The following MBOAT2 variants were observed in gnomAD, a reference collection of about 807,000 sequenced individuals.
The protein encoded by MBOAT2 is membrane bound glycerophospholipid O-acyltransferase 2.
A neutral mutation model predicts 63.4 loss-of-function variants in MBOAT2; 28 were observed. That is an observed-to-expected ratio of 0.44 (90% CI 0.33 to 0.61). The LOEUF (loss-of-function observed/expected upper bound fraction) is 0.61, where lower values mean the gene tolerates loss of function less well. Among genes scored for constraint, MBOAT2 ranks in the 20% least tolerant of loss-of-function variants. MBOAT2 has a pLI of 0.03. For synonymous variants in MBOAT2, 211 were observed against 215.6 expected, an observed-to-expected ratio of 0.98 and a Z score of 0.19; for missense variants, 470 against 605.8, an observed-to-expected ratio of 0.78 and a Z score of 2.35.
intron 11 of MBOAT2, 193 bp from the exon 12 acceptor site, chr2:8,860,957 T>G (rs185583299): frequency 2.5e-5 from 10 of 399,058 alleles, no homozygotes; most frequent in African/African-American, 1.9e-4. Flanking sequence ...GTACACACTG[T>G]GTATAAAAGA....
chr2:8,930,761 G>A (rs1482510381), intron 3 of MBOAT2, among the ~76,000 whole-genome samples: 2 of 151,906 alleles, frequency 1.3e-5, no homozygotes, highest in Admixed American at 1.3e-4. Flanking sequence ...GATACCTAAT[G>A]CTAAATGACG....
intron 3 of MBOAT2, among the ~76,000 whole-genome samples, chr2:8,914,152 C>T (rs1665981139): frequency 1.3e-5 from 2 of 152,098 alleles, no homozygotes; most frequent in South Asian, 4.1e-4. Context: ...ATACAATGGA[C>T]TCTGGGGACT....
chr2:8,887,345 C>T (rs1358233032), intron 5 of MBOAT2, among the ~76,000 whole-genome samples: 1 of 152,152 alleles, frequency 6.6e-6, no homozygotes, highest in East Asian at 1.9e-4. Context: ...TCCTCTCTCT[C>T]TCTCTGCACT....
Position 8,862,376 on chromosome 2 carries a change from A to C in MBOAT2, c.1185+214T>G. On this transcript the variant is annotated intron_variant, in intron 11 of 12. Transcript: ENST00000305997. The surrounding 1 kb of genome is among the most constrained non-coding windows in gnomAD (Gnocchi z 4.3). ...TGCCTCCTACCTGCCGGGCACATAG[A>C]AACGTGTTTTCTCCTCACAGGAACT... The C allele has an allele frequency of 6.9e-7, 1 of 1,440,670 alleles. No homozygotes were observed. The allele number at this position is 1,440,670 out of a possible 1,614,324, so 89.2% of individuals were successfully genotyped here. A position where few individuals can be genotyped will look rare whatever the true frequency, so the allele number is the denominator to read the frequency against.
At chr2:8,866,725 T>C (rs1052028725) in intron 9 of MBOAT2, among the ~76,000 whole-genome samples, 6 of 152,246 alleles carry the variant, frequency 3.9e-5, no homozygotes, top group Non-Finnish European at 4.4e-5. Context: ...GGCCAAAGCC[T>C]CTTTTAATCT....
intron 1 of MBOAT2, among the ~76,000 whole-genome samples, chr2:8,982,123 T>C (rs1267352185): frequency 1.3e-5 from 2 of 152,134 alleles, no homozygotes; most frequent in South Asian, 4.1e-4. Context: ...AGATAACCCA[T>C]GGCAGGGTCT....
chr2:8,949,087 T>C (rs142149753), intron 2 of MBOAT2, among the ~76,000 whole-genome samples: 96 of 152,300 alleles, frequency 6.3e-4, no homozygotes, highest in African/African-American at 2.3e-3. Flanking sequence ...CTCTGATTAG[T>C]AATGTGCAGT....
intron 1 of MBOAT2, among the ~76,000 whole-genome samples, chr2:8,976,132 A>C (rs1670800702): frequency 6.6e-6 from 1 of 152,138 alleles, no homozygotes; most frequent in Non-Finnish European, 1.5e-5. Context: ...TGATTAACTC[A>C]CAAATCCCTA....
chr2:8,973,156 T>A (rs1558671388), intron 1 of MBOAT2, among the ~76,000 whole-genome samples: 1 of 152,128 alleles, frequency 6.6e-6, no homozygotes, highest in Non-Finnish European at 1.5e-5. Flanking sequence ...TAAGAAAATG[T>A]GGCACATATA....
intron 1 of MBOAT2, among the ~76,000 whole-genome samples, chr2:8,989,802 C>A (rs747132594): frequency 1.3e-5 from 2 of 152,172 alleles, no homozygotes. Context: ...AGGGAACAAG[C>A]GCTGCACCAG....
chr2:8,971,268 C>T (rs886945024), intron 1 of MBOAT2, among the ~76,000 whole-genome samples: 4 of 152,212 alleles, frequency 2.6e-5, no homozygotes. Context: ...ACAAAAACCA[C>T]ATGATTATCT....
chr2:8,912,411 GAAAGA>G lies in MBOAT2; in HGVS notation c.300-3700_300-3696del, dbSNP rs1573032376. ...AGAAAGAAAGAAAGAAAGAAAGAAA[GAAAGA>G]CAGGCCGGCCGGCCTTGAAAACCCT... On this transcript the variant is annotated intron_variant, in intron 3 of 12. Coordinates refer to ENST00000305997, the MANE Select transcript of MBOAT2 (RefSeq NM_138799.4). Among the ~76,000 whole-genome samples the G allele has an allele frequency of 6.6e-3, 955 of 144,796 alleles. 20 individuals are homozygous for G. The highest frequency in any genetic ancestry group is 0.011 in the Middle Eastern group (3 of 276). 95.0% of individuals were successfully genotyped at this position (144,796 alleles called of 152,430 possible).
At chr2:8,960,135 G>GTTC (rs1007759068) in intron 1 of MBOAT2, among the ~76,000 whole-genome samples, 21 of 152,124 alleles carry the variant, frequency 1.4e-4, no homozygotes, top group African/African-American at 5.1e-4. Flanking sequence ...CTTCTAAAGG[G>GTTC]TTCTAATGGC....
intron 3 of MBOAT2, among the ~76,000 whole-genome samples, chr2:8,910,406 A>G (rs1345688001): frequency 6.6e-6 from 1 of 152,198 alleles, no homozygotes; most frequent in Non-Finnish European, 1.5e-5. Context: ...AGATGATGCT[A>G]TCCAGTTGAA....
chr2:8,908,576 T>C (rs753582957), intron 4 of MBOAT2, 45 bp downstream of exon 4: 33 of 1,094,424 alleles, frequency 3.0e-5, no homozygotes, highest in Non-Finnish European at 4.6e-5. Flanking sequence ...AACCACCTTG[T>C]TGGAATGGAT....
intron 1 of MBOAT2, among the ~76,000 whole-genome samples, chr2:8,984,993 T>C (rs1450232159): frequency 1.3e-5 from 2 of 152,142 alleles, no homozygotes; most frequent in African/African-American, 4.8e-5. Context: ...CTACACAGAA[T>C]GCAGCTTGTT....
intron 9 of MBOAT2, 132 bp from the exon 10 acceptor site, chr2:8,864,366 C>T (rs1661709029): frequency 2.2e-6 from 1 of 462,440 alleles, no homozygotes; most frequent in South Asian, 4.5e-5. Flanking sequence ...TTTCTCTTTC[C>T]TTAATCTTGT....
intron 5 of MBOAT2, among the ~76,000 whole-genome samples, chr2:8,886,983 C>G (rs1336506298): frequency 6.6e-6 from 1 of 152,162 alleles, no homozygotes; most frequent in East Asian, 1.9e-4. Flanking sequence ...CTACAAGACA[C>G]TGTGCATAAA....
chr2:8,878,138 A>C (rs952395715), intron 6 of MBOAT2, among the ~76,000 whole-genome samples: 1 of 152,218 alleles, frequency 6.6e-6, no homozygotes, highest in Non-Finnish European at 1.5e-5. Context: ...TGGAGCCTGA[A>C]GGCTGCGGAG....
Sources: allele counts gnomAD v4.1 joint callset (sites outside exome capture counted in the v4.1 genomes callset), GRCh38; gene constraint gnomAD v4.1.1; non-coding constraint Gnocchi (gnomAD v3.1); transcripts MANE v1.5; gene names NCBI Gene and HGNC (gene_info 2026-07-23, HGNC 2026-07-21).